The following DOCK10 variants were observed in gnomAD, a reference collection of about 807,000 sequenced individuals.
The protein encoded by DOCK10 is dedicator of cytokinesis 10.
DOCK10 carries 145 observed loss-of-function variants against 280.1 expected under a neutral mutation model. The observed-to-expected ratio is 0.52, with a 90% CI of 0.45 to 0.59. DOCK10 has a LOEUF of 0.59. DOCK10 is among the 20% of genes least tolerant of loss of function. DOCK10 has a pLI of 0.00. For synonymous variants in DOCK10, 915 were observed against 942.2 expected, an observed-to-expected ratio of 0.97 and a Z score of 0.53; for missense variants, 2,368 against 2,651.7, an observed-to-expected ratio of 0.89 and a Z score of 2.35.
intron 50 of DOCK10, among the ~76,000 whole-genome samples, chr2:224,783,572 C>T (rs2125056010): frequency 6.6e-6 from 1 of 151,936 alleles, no homozygotes; most frequent in Non-Finnish European, 1.5e-5. Context: ...CCGCGCCCAG[C>T]CTTGGAATTT....
intron 1 of DOCK10, among the ~76,000 whole-genome samples, chr2:224,996,781 A>C (rs1051886960): frequency 2.6e-5 from 4 of 152,234 alleles, no homozygotes; most frequent in African/African-American, 9.6e-5. Context: ...CTCTGCAGGC[A>C]GGTTGGCAGA....
At chr2:224,941,744 C>T (rs1420449127) in intron 1 of DOCK10, among the ~76,000 whole-genome samples, 1 of 150,928 alleles carries the variant, frequency 6.6e-6, no homozygotes. Flanking sequence ...CTCGAGAGAC[C>T]GAGGCAGGAG....
chr2:224,961,651 C>A (rs77363337), intron 1 of DOCK10, among the ~76,000 whole-genome samples: 36,891 of 151,098 alleles, frequency 0.24, 4,692 homozygotes, highest in Admixed American at 0.28. Flanking sequence ...GGACTACAGA[C>A]ACCCACCACC....
Position 224,814,313 on chromosome 2 carries a change from C to A in DOCK10, c.3409+7G>T. 6.6e-7 allele frequency: 1 copy of A among 1,517,124 alleles called. No individual in the cohort carries two copies. The highest frequency in any genetic ancestry group is 8.9e-7 in the Non-Finnish European group (1 of 1,128,312). 94.0% of individuals were successfully genotyped at this position (1,517,124 alleles called of 1,614,324 possible). On this transcript the variant is annotated splice_region_variant and intron_variant, in intron 31 of 55. Coordinates refer to ENST00000258390, the MANE Select transcript of DOCK10 (RefSeq NM_014689.3). ...TACTGATGCTTAGGTAAGGTAATAT[C>A]ACTTACCTGATGCATGTAACTCTTG...
At chr2:224,896,252 T>C in intron 4 of DOCK10, 43 bp downstream of exon 4, 1 of 1,155,106 alleles carries the variant, frequency 8.7e-7, no homozygotes, top group Non-Finnish European at 1.3e-6. Context: ...GGATGTCATC[T>C]ATATTTGGAA....
chr2:225,030,836 A>G (rs1043638766), intron 1 of DOCK10, among the ~76,000 whole-genome samples: 1 of 152,204 alleles, frequency 6.6e-6, no homozygotes, highest in African/African-American at 2.4e-5. Flanking sequence ...ATATTATACA[A>G]TTTGTACAAT....
rs189335248 is a variant in DOCK10 at position 225,013,684 on chromosome 2, T to C, written c.123+28568A>G. ...GCAATGTACTCTATCTGCACTTGAC[T>C]TTACTTAAGAACAGGCTTGAGTGAA... On this transcript the variant is annotated intron_variant, in intron 1 of 55. Coordinates refer to ENST00000258390, the MANE Select transcript of DOCK10 (RefSeq NM_014689.3). 4.4e-4 allele frequency among the ~76,000 whole-genome samples: 67 copies of C among 152,300 alleles called. 1 individual carries two copies. In the East Asian group the frequency reaches 9.1e-3, roughly 21 times the overall value.
intron 1 of DOCK10, among the ~76,000 whole-genome samples, chr2:225,032,026 T>C (rs11895763): frequency 0.096 from 14,562 of 152,240 alleles, 1,428 homozygotes; most frequent in African/African-American, 0.24. Context: ...AATGTGGTCA[T>C]AGATCATTGG....
At chr2:224,979,014 A>G (rs1705606224) in intron 1 of DOCK10, among the ~76,000 whole-genome samples, 1 of 152,208 alleles carries the variant, frequency 6.6e-6, no homozygotes, top group Non-Finnish European at 1.5e-5. Context: ...TTTGAAATCT[A>G]TCCAGAATCT....
intron 3 of DOCK10, among the ~76,000 whole-genome samples, chr2:224,898,893 T>C (rs1700140849): frequency 6.6e-6 from 1 of 152,226 alleles, no homozygotes; most frequent in Non-Finnish European, 1.5e-5. Context: ...AGCCTTAATA[T>C]GCTCCTTTGC....
chr2:224,769,146 C>G (rs1249480213), intron 55 of DOCK10, among the ~76,000 whole-genome samples: 1 of 152,158 alleles, frequency 6.6e-6, no homozygotes, highest in East Asian at 1.9e-4. Context: ...TGTCACCCCT[C>G]AAATAGCCTA....
chr2:224,918,932 ATGTGTGGTGTGAATG>A (rs1270112704), intron 2 of DOCK10, among the ~76,000 whole-genome samples: 35 of 121,312 alleles, frequency 2.9e-4, no homozygotes, highest in Non-Finnish European at 5.2e-5. Context: ...TGTGGTGTGT[ATGTGTGGTGTGAATG>A]TGTGTGGTGT....
At chr2:224,925,524 G>C (rs1702000983) in intron 2 of DOCK10, among the ~76,000 whole-genome samples, 1 of 152,198 alleles carries the variant, frequency 6.6e-6, no homozygotes, top group Non-Finnish European at 1.5e-5. Flanking sequence ...TTTGAAAATT[G>C]CACTGCCCGG....
chr2:224,791,240 A>T (rs1692173379), intron 47 of DOCK10, among the ~76,000 whole-genome samples: 2 of 152,158 alleles, frequency 1.3e-5, no homozygotes, highest in African/African-American at 4.8e-5. Context: ...ATGATAAGCA[A>T]TAGATGAGGA....
chr2:224,803,974 C>T, intron 39 of DOCK10, 138 bp downstream of exon 39: 1 of 563,242 alleles, frequency 1.8e-6, no homozygotes, highest in Non-Finnish European at 3.1e-6. Flanking sequence ...GAAATCTGCA[C>T]TTGGTTTGAA....
chr2:225,014,666 T>C (rs1689544372), intron 1 of DOCK10, among the ~76,000 whole-genome samples: 1 of 152,180 alleles, frequency 6.6e-6, no homozygotes, highest in Admixed American at 6.5e-5. Context: ...AAGCTCAATA[T>C]TTATTTCTCC....
intron 52 of DOCK10, 131 bp downstream of exon 52, chr2:224,774,774 T>C: frequency 1.2e-6 from 1 of 803,644 alleles, no homozygotes; most frequent in Non-Finnish European, 2.0e-6. Context: ...TTGGCAAACA[T>C]TTCCCAGTTA....
chr2:224,886,053 A>T lies in DOCK10; in HGVS notation c.612+10T>A, dbSNP rs1391462321. 1 of 1,613,704 alleles carries T rather than the reference A, an allele frequency of 6.2e-7. No individual in the cohort carries two copies. Among genetic ancestry groups the T allele is most frequent in the Non-Finnish European group, 8.5e-7 (1 of 1,179,834 alleles). ...GACAGAGATAAAGATGAGTCTTGAT[A>T]TCTCCTTACCCGAACAGTAACGGTG... is the stretch of plus-strand genomic sequence containing the variant. On this transcript the variant is annotated intron_variant, in intron 6 of 55. Transcript: ENST00000258390.
At chr2:224,891,208 T>C (rs1000254446) in intron 4 of DOCK10, among the ~76,000 whole-genome samples, 5 of 152,178 alleles carry the variant, frequency 3.3e-5, no homozygotes, top group Admixed American at 6.5e-5. Flanking sequence ...ATCTTTTAAC[T>C]TTTTCCTAGG....
Sources: allele counts gnomAD v4.1 joint callset (sites outside exome capture counted in the v4.1 genomes callset), GRCh38; gene constraint gnomAD v4.1.1; transcripts MANE v1.5; gene names NCBI Gene and HGNC (gene_info 2026-07-23, HGNC 2026-07-21).